MACROD2: variants seen among roughly 807,000 people sequenced by gnomAD.
MACROD2 encodes the protein ADP-ribose glycohydrolase MACROD2.
In MACROD2, 36 loss-of-function variants were observed where a neutral mutation model predicts 70.4. The observed-to-expected ratio is 0.51, with a 90% CI of 0.39 to 0.68. The LOEUF (loss-of-function observed/expected upper bound fraction) is 0.68. Ranked by LOEUF, MACROD2 falls within the 30% of genes least tolerant of loss-of-function variation. The probability of loss-of-function intolerance (pLI) is 0.00; values close to 1 mark genes in which losing one functional copy is unlikely to be tolerated. For missense variants in MACROD2, 496 were observed against 538.4 expected, an observed-to-expected ratio of 0.92 and a Z score of 0.78; for synonymous variants, 172 against 178.8, an observed-to-expected ratio of 0.96 and a Z score of 0.30.
intron 8 of MACROD2, among the ~76,000 whole-genome samples, chr20:15,697,869 A>G (rs1197574164): frequency 6.6e-6 from 1 of 152,212 alleles, no homozygotes; most frequent in Non-Finnish European, 1.5e-5. Context: ...ATATAAGAAT[A>G]GCTACCCCTG....
chr20:14,436,348 C>T (rs2122944708), intron 3 of MACROD2, among the ~76,000 whole-genome samples: 1 of 152,254 alleles, frequency 6.6e-6, no homozygotes, highest in African/African-American at 2.4e-5. Flanking sequence ...ATGTACCTTC[C>T]ATATCATGAA....
chr20:15,812,214 T>C (rs2063828481), intron 8 of MACROD2, among the ~76,000 whole-genome samples: 1 of 152,184 alleles, frequency 6.6e-6, no homozygotes. Context: ...CAATGCCTTA[T>C]ACAAGGTGGG....
intron 7 of MACROD2, among the ~76,000 whole-genome samples, chr20:15,481,533 T>G (rs6110625): frequency 0.41 from 62,646 of 151,506 alleles, 13,791 homozygotes; most frequent in Non-Finnish European, 0.49. Flanking sequence ...TAGAGAGAGA[T>G]AATCTCAAAT....
chr20:14,965,443 A>ATTT (rs1479327790), intron 5 of MACROD2, among the ~76,000 whole-genome samples: 5 of 83,140 alleles, frequency 6.0e-5, no homozygotes, highest in Non-Finnish European at 8.0e-5. Flanking sequence ...GCTAAAAGTT[A>ATTT]TTTTTTTTTC....
chr20:15,213,519 C>T (rs1255828628), intron 5 of MACROD2, among the ~76,000 whole-genome samples: 2 of 151,850 alleles, frequency 1.3e-5, no homozygotes, highest in Non-Finnish European at 2.9e-5. Flanking sequence ...CTTTTCCAGT[C>T]AAGAACTGTG....
intron 6 of MACROD2, among the ~76,000 whole-genome samples, chr20:15,256,815 T>C (rs910889441): frequency 1.3e-5 from 2 of 152,078 alleles, no homozygotes. Flanking sequence ...TAACAATATT[T>C]GAAGCCTGTT....
At chr20:15,723,839 A>G (rs147371678) in intron 8 of MACROD2, among the ~76,000 whole-genome samples, 172 of 152,268 alleles carry the variant, frequency 1.1e-3, no homozygotes, top group African/African-American at 3.9e-3. Context: ...CAGTAAGAGT[A>G]TATTTAGTTT....
chr20:14,665,482 G>T (rs1302470818), intron 4 of MACROD2, among the ~76,000 whole-genome samples: 2 of 151,880 alleles, frequency 1.3e-5, no homozygotes, highest in Admixed American at 6.6e-5. Context: ...ATATATAAAA[G>T]CAGTGATTAT....
At chr20:14,986,717 T>G (rs1221674125) in intron 5 of MACROD2, among the ~76,000 whole-genome samples, 2 of 152,184 alleles carry the variant, frequency 1.3e-5, no homozygotes, top group East Asian at 3.9e-4. Context: ...TAATAGGTAG[T>G]GGGCGATGGG....
chr20:14,110,793 A>G (rs185510540), intron 3 of MACROD2, among the ~76,000 whole-genome samples: 19 of 152,124 alleles, frequency 1.2e-4, no homozygotes, highest in African/African-American at 4.6e-4. Context: ...AAAATATTCA[A>G]CTACCCAAAG....
At chr20:14,142,949 G>A (rs991828985) in intron 3 of MACROD2, among the ~76,000 whole-genome samples, 6 of 152,188 alleles carry the variant, frequency 3.9e-5, no homozygotes, top group Admixed American at 3.9e-4. Flanking sequence ...TCTTAAGAGT[G>A]TGGGTGTACA....
chr20:15,206,500 T>C (rs2076703570), intron 5 of MACROD2, among the ~76,000 whole-genome samples: 1 of 152,148 alleles, frequency 6.6e-6, no homozygotes, highest in East Asian at 1.9e-4. Flanking sequence ...TCAATCAATG[T>C]GGAGAATATT....
chr20:14,104,188 A>C (rs542648817), intron 3 of MACROD2, among the ~76,000 whole-genome samples: 76 of 152,276 alleles, frequency 5.0e-4, no homozygotes, highest in African/African-American at 1.8e-3. Context: ...ATTATACTTC[A>C]ATGTTGTTTT....
At chr20:15,027,221 T>C (rs2075238912) in intron 5 of MACROD2, among the ~76,000 whole-genome samples, 1 of 152,170 alleles carries the variant, frequency 6.6e-6, no homozygotes, top group South Asian at 2.1e-4. Context: ...GAAAAGGAAA[T>C]GTTTTCATCT....
At chr20:15,841,478 A>G (rs933030394) in intron 8 of MACROD2, among the ~76,000 whole-genome samples, 16 of 152,190 alleles carry the variant, frequency 1.1e-4, no homozygotes, top group African/African-American at 3.9e-4. Flanking sequence ...CAGTCATGTC[A>G]GAAGCCAAAG....
chr20:14,996,218 G>A (rs952290510), intron 5 of MACROD2, among the ~76,000 whole-genome samples: 1 of 152,194 alleles, frequency 6.6e-6, no homozygotes, highest in Non-Finnish European at 1.5e-5. Flanking sequence ...ACGGGCCAGT[G>A]TGCTCTGCAC....
chr20:15,865,504 G>C (rs1220576067), intron 9 of MACROD2, among the ~76,000 whole-genome samples: 2 of 152,124 alleles, frequency 1.3e-5, no homozygotes, highest in Non-Finnish European at 2.9e-5. Flanking sequence ...CTCTAAGAAA[G>C]GAGGCACCGT....
intron 6 of MACROD2, among the ~76,000 whole-genome samples, chr20:15,403,231 G>A (rs1482919692): frequency 3.3e-5 from 5 of 152,186 alleles, no homozygotes; most frequent in African/African-American, 1.2e-4. Flanking sequence ...GCCTCCCAAA[G>A]TGCTGGGATT....
intron 15 of MACROD2, among the ~76,000 whole-genome samples, chr20:15,990,394 A>C (rs2066541660): frequency 6.6e-6 from 1 of 152,172 alleles, no homozygotes; most frequent in African/African-American, 2.4e-5. Flanking sequence ...TAAAATCTTA[A>C]CTATATCAAC....
Sources: allele counts gnomAD v4.1 joint callset (sites outside exome capture counted in the v4.1 genomes callset), GRCh38; gene constraint gnomAD v4.1.1; transcripts MANE v1.5; gene names NCBI Gene and HGNC (gene_info 2026-07-23, HGNC 2026-07-21).